Variants in GLRA3 observed in about 807,000 individuals in gnomAD.
GLRA3 encodes glycine receptor alpha 3.
Under a neutral mutation model 60.4 loss-of-function variants are expected in GLRA3, and 44 were observed. That is an observed-to-expected ratio of 0.73 (90% CI 0.57 to 0.94). The LOEUF (loss-of-function observed/expected upper bound fraction) is 0.94. GLRA3 is among the 40% of genes least tolerant of loss of function. GLRA3 has a pLI of 0.00. For synonymous variants in GLRA3, 223 were observed against 192.9 expected, an observed-to-expected ratio of 1.16 and a Z score of -1.29; for missense variants, 508 against 564.6, an observed-to-expected ratio of 0.90 and a Z score of 1.02.
At chr4:174,793,419 CATTCATTTATTT>C (rs1362422575) in intron 1 of GLRA3, among the ~76,000 whole-genome samples, 483 of 89,822 alleles carry the variant, frequency 5.4e-3, no homozygotes, top group South Asian at 0.023. Context: ...TCAAAATTTA[CATTCATTTATTT>C]ATTTATTTAT....
chr4:174,654,956 G>A (rs753897166), intron 9 of GLRA3, among the ~76,000 whole-genome samples: 1 of 152,052 alleles, frequency 6.6e-6, no homozygotes, highest in Non-Finnish European at 1.5e-5. Context: ...CCTTCACAGA[G>A]GGAAAAGTAA....
chr4:174,794,189 C>T (rs1739471207), intron 1 of GLRA3, among the ~76,000 whole-genome samples: 1 of 152,078 alleles, frequency 6.6e-6, no homozygotes. Flanking sequence ...TAAGCAATCA[C>T]TTATCCATTG....
At chr4:174,825,883 A>G (rs1194862387) in intron 1 of GLRA3, among the ~76,000 whole-genome samples, 1 of 152,158 alleles carries the variant, frequency 6.6e-6, no homozygotes, top group Admixed American at 6.6e-5. Flanking sequence ...AAAATATACT[A>G]GAAATACTAA....
chr4:174,743,407 A>AT (rs1450399445), intron 3 of GLRA3, among the ~76,000 whole-genome samples: 1 of 149,262 alleles, frequency 6.7e-6, no homozygotes, highest in Non-Finnish European at 1.5e-5. Context: ...TTCTTTTTTC[A>AT]TTTTTTTCTG....
At chr4:174,715,660 G>T in intron 4 of GLRA3, 90 bp from the exon 5 acceptor site, 1 of 600,532 alleles carries the variant, frequency 1.7e-6, no homozygotes, top group Non-Finnish European at 3.0e-6. Flanking sequence ...CTTTGCTGGT[G>T]ACTAACTCAG....
At chr4:174,771,602 T>C (rs1371264585) in intron 2 of GLRA3, among the ~76,000 whole-genome samples, 1 of 152,090 alleles carries the variant, frequency 6.6e-6, no homozygotes, top group East Asian at 1.9e-4. Flanking sequence ...AAAATGCTGA[T>C]GGGGTACAGC....
intron 5 of GLRA3, among the ~76,000 whole-genome samples, chr4:174,700,798 C>G (rs142290800): frequency 6.6e-6 from 1 of 152,174 alleles, no homozygotes; most frequent in Non-Finnish European, 1.5e-5. Flanking sequence ...AAACCAGCAA[C>G]AACATTTCCT....
rs1741019375 is a variant in GLRA3, at chr4:174,827,383, A to G, written c.71+1358T>C. Among the ~76,000 whole-genome samples the G allele has an allele frequency of 2.0e-5, 3 of 151,676 alleles. No homozygotes were observed. The South Asian group carries it at 6.2e-4, about 32-fold the overall frequency. On this transcript the variant is annotated intron_variant, in intron 1 of 9. Transcript: ENST00000274093. ...TCCTAAATCTAAGTATCTATCAACT[A>G]AGCTAATCTGATTTCTTTGAAAAAA...
At chr4:174,798,259 T>A (rs1249827346) in intron 1 of GLRA3, among the ~76,000 whole-genome samples, 2 of 152,048 alleles carry the variant, frequency 1.3e-5, no homozygotes, top group Non-Finnish European at 2.9e-5. Context: ...AGAAAGAGAG[T>A]TTACTATGTA....
intron 5 of GLRA3, among the ~76,000 whole-genome samples, chr4:174,688,054 T>G (rs543511282): frequency 6.6e-6 from 1 of 151,986 alleles, no homozygotes; most frequent in Admixed American, 6.6e-5. Context: ...ACAAGGATTA[T>G]AAGTCAGAGG....
At chr4:174,801,781 C>T (rs1034880884) in intron 1 of GLRA3, among the ~76,000 whole-genome samples, 2 of 151,924 alleles carry the variant, frequency 1.3e-5, no homozygotes, top group African/African-American at 4.8e-5. Flanking sequence ...AGCATAATTC[C>T]CCCAGGAAGC....
chr4:174,808,117 A>G (rs1740121186), intron 1 of GLRA3, among the ~76,000 whole-genome samples: 1 of 152,080 alleles, frequency 6.6e-6, no homozygotes, highest in Non-Finnish European at 1.5e-5. Context: ...TAGGTTTGAG[A>G]GTGGGAGGAA....
chr4:174,819,361 C>T (rs183558309), intron 1 of GLRA3, among the ~76,000 whole-genome samples: 39 of 152,254 alleles, frequency 2.6e-4, no homozygotes, highest in African/African-American at 8.2e-4. Context: ...AACAATACAG[C>T]GTGGATTTAT....
chr4:174,724,110 AT>A (rs1366531824), intron 4 of GLRA3, among the ~76,000 whole-genome samples: 2 of 151,006 alleles, frequency 1.3e-5, no homozygotes, highest in South Asian at 2.1e-4. Flanking sequence ...TATACAAAAC[AT>A]TTTTCTTGAA....
At chr4:174,751,912 A>G (rs1417596272) in intron 3 of GLRA3, among the ~76,000 whole-genome samples, 1 of 152,064 alleles carries the variant, frequency 6.6e-6, no homozygotes, top group East Asian at 1.9e-4. Flanking sequence ...GAGGGCAATT[A>G]GGGAAAAGAT....
chr4:174,702,344 C>T (rs1735351545), intron 5 of GLRA3, among the ~76,000 whole-genome samples: 1 of 152,056 alleles, frequency 6.6e-6, no homozygotes, highest in Admixed American at 6.6e-5. Context: ...ACATAAAATG[C>T]TATTGCACAC....
chr4:174,712,169 AC>A (rs1735741242), intron 5 of GLRA3, among the ~76,000 whole-genome samples: 1 of 152,102 alleles, frequency 6.6e-6, no homozygotes, highest in East Asian at 1.9e-4. Context: ...TCATAAATGT[AC>A]ACTTTTGAGG....
At chr4:174,769,732 C>G (rs1182273366) in intron 2 of GLRA3, among the ~76,000 whole-genome samples, 1 of 152,022 alleles carries the variant, frequency 6.6e-6, no homozygotes, top group Admixed American at 6.6e-5. Flanking sequence ...TTTAGTGGAA[C>G]ATATGCTCCA....
chr4:174,813,846 C>G (rs1269579967), intron 1 of GLRA3, among the ~76,000 whole-genome samples: 4 of 152,114 alleles, frequency 2.6e-5, no homozygotes, highest in Admixed American at 2.0e-4. Flanking sequence ...TTTCCAAATC[C>G]GTTGATGTCT....
Sources: allele counts gnomAD v4.1 joint callset (sites outside exome capture counted in the v4.1 genomes callset), GRCh38; gene constraint gnomAD v4.1.1; transcripts MANE v1.5; gene names NCBI Gene and HGNC (gene_info 2026-07-23, HGNC 2026-07-21).